Variants in RDX observed in about 807,000 individuals in gnomAD.
The protein encoded by RDX is deafness, autosomal recessive 24.
RDX carries 32 observed loss-of-function variants against 83.7 expected under a neutral mutation model. The observed-to-expected ratio is 0.38, with a 90% CI of 0.29 to 0.51. The LOEUF (loss-of-function observed/expected upper bound fraction) is 0.51, where lower values mean the gene tolerates loss of function less well. Ranked by LOEUF, RDX falls within the 20% of genes least tolerant of loss-of-function variation. The pLI is 0.87. For missense variants in RDX, 600 were observed against 689.9 expected, an observed-to-expected ratio of 0.87 and a Z score of 1.46; for synonymous variants, 229 against 222.7, an observed-to-expected ratio of 1.03 and a Z score of -0.25.
chr11:110,233,256 C>A lies in RDX; in HGVS notation c.1568G>T (p.Arg523Leu), dbSNP rs374217847. Residue 523 changes from arginine to leucine, a missense_variant, in exon 13 of 14, where the codon CGT (arginine) becomes CTT (leucine). Arg to Leu is a moderately radical substitution (Grantham distance 102). Coordinates refer to ENST00000645495, the MANE Select transcript of RDX (RefSeq NM_002906.4). ...ERVTETQKNE[R>L]VKKQLQALSS... The stretch of plus-strand genomic sequence containing the variant: ...AAATACCTGAAGTTGCTTCTTAACA[C>A]GCTCATTTTTCTGTGTTTCGGTTAC... The A allele has an allele frequency of 1.2e-6, 2 of 1,613,320 alleles. No homozygotes were observed. The highest frequency in any genetic ancestry group is 2.7e-5 in the African/African-American group (2 of 75,002).
intron 15 of RDX, among the ~76,000 whole-genome samples, chr11:110,183,708 T>G (rs11213295): frequency 0.054 from 8,200 of 152,288 alleles, 731 homozygotes; most frequent in African/African-American, 0.19. Context: ...CTATTACCTG[T>G]TCACTTCTGT....
chr11:110,248,970 G>GA (rs879933182), intron 9 of RDX, among the ~76,000 whole-genome samples: 51 of 152,242 alleles, frequency 3.3e-4, no homozygotes, highest in Non-Finnish European at 5.9e-4. Context: ...AGCTCAGTGG[G>GA]AAAAAATGCC....
chr11:110,233,124 T>G, intron 13 of RDX, 113 bp downstream of exon 13: 1 of 1,331,230 alleles, frequency 7.5e-7, no homozygotes, highest in Admixed American at 1.7e-5. Flanking sequence ...CACAAACCAA[T>G]CACAAGGGCA....
chr11:110,234,067 T>C (rs924011014), intron 12 of RDX, among the ~76,000 whole-genome samples: 1 of 152,228 alleles, frequency 6.6e-6, no homozygotes, highest in Non-Finnish European at 1.5e-5. Context: ...GTTGTCCTGG[T>C]GTAATTATGA....
chr11:110,209,409 G>A (rs1273448860), intron 14 of RDX, among the ~76,000 whole-genome samples: 6 of 151,778 alleles, frequency 4.0e-5, no homozygotes, highest in Admixed American at 3.9e-4. Flanking sequence ...GCGAGGCTGG[G>A]GGAGGGGCGC....
chr11:110,240,607 T>C (rs1246114217), intron 10 of RDX, among the ~76,000 whole-genome samples: 1 of 150,738 alleles, frequency 6.6e-6, no homozygotes, highest in African/African-American at 2.5e-5. Context: ...TAGCCGGGCG[T>C]GGTAGCGGGC....
At chr11:110,254,765 T>C (rs536655389) in intron 8 of RDX, among the ~76,000 whole-genome samples, 1 of 152,138 alleles carries the variant, frequency 6.6e-6, no homozygotes, top group Admixed American at 6.6e-5. Context: ...TCCTGAACCA[T>C]TGCACCCAGC....
At chr11:110,215,049 A>ATATATATATATATAT (rs1555033357) in intron 14 of RDX, among the ~76,000 whole-genome samples, 1 of 97,270 alleles carries the variant, frequency 1.0e-5, no homozygotes, top group African/African-American at 3.7e-5. Context: ...AAAAAAAAAA[A>ATATATATATATATAT]ATATATATAT....
At chr11:110,268,220 C>G (rs1591170000) in intron 3 of RDX, among the ~76,000 whole-genome samples, 1 of 150,958 alleles carries the variant, frequency 6.6e-6, no homozygotes. Flanking sequence ...AGGCGGAGAA[C>G]TGCTTGAACC....
At chr11:110,202,879 AAT>A (rs1318719994) in intron 14 of RDX, among the ~76,000 whole-genome samples, 1 of 152,172 alleles carries the variant, frequency 6.6e-6, no homozygotes, top group East Asian at 1.9e-4. Flanking sequence ...TAAGACAGGT[AAT>A]AACAAATGCT....
At chr11:110,257,466 G>A (rs984389223) in intron 7 of RDX, among the ~76,000 whole-genome samples, 1 of 151,940 alleles carries the variant, frequency 6.6e-6, no homozygotes, top group Non-Finnish European at 1.5e-5. Flanking sequence ...CTCACCTATC[G>A]AGGGAGCAAA....
At chr11:110,270,099 A>G (rs916139225) in intron 3 of RDX, among the ~76,000 whole-genome samples, 2 of 152,148 alleles carry the variant, frequency 1.3e-5, no homozygotes, top group Admixed American at 6.5e-5. Flanking sequence ...ACCATTTACA[A>G]TATGAACTGT....
chr11:110,256,094 C>A (rs1218959599), intron 7 of RDX, among the ~76,000 whole-genome samples: 1 of 152,142 alleles, frequency 6.6e-6, no homozygotes, highest in African/African-American at 2.4e-5. Flanking sequence ...TCTGCCTTTT[C>A]ATGTATTTTA....
intron 5 of RDX, chr11:110,263,508 A>G (rs1324847846): frequency 1.3e-5 from 2 of 156,332 alleles, no homozygotes; most frequent in East Asian, 3.8e-4. Context: ...TGGAGGTGCT[A>G]GGTAATGATT....
chr11:110,248,077 G>C (rs1476835443), intron 9 of RDX, among the ~76,000 whole-genome samples: 1 of 152,134 alleles, frequency 6.6e-6, no homozygotes, highest in South Asian at 2.1e-4. Flanking sequence ...TTGGTGACTT[G>C]AGAAGCAATG....
intron 14 of RDX, among the ~76,000 whole-genome samples, chr11:110,208,285 T>C (rs1048580465): frequency 6.6e-6 from 1 of 152,248 alleles, no homozygotes; most frequent in Admixed American, 6.5e-5. Flanking sequence ...AAAACGAATG[T>C]AGCGTTCTCC....
At position 110,230,579 on chromosome 11, in the gene RDX, T is replaced by TACACAAACACACAC. The variant is rs878964786; in HGVS notation, c.*1289_*1290insGTGTGTGTTTGTGT. 6.8e-6 allele frequency: 1 copy of TACACAAACACACAC among 147,068 alleles called. No homozygotes were observed. The highest frequency in any genetic ancestry group is 2.5e-5 in the African/African-American group (1 of 39,768). The allele number at this position is 147,068 out of a possible 1,614,324, so 9.1% of individuals were successfully genotyped here. Reference sequence around the variant, plus strand: ...TTCTCTCTCTCATACACACACAGAGTACACACACACACACACACACACACA... The same window carrying TACACAAACACACAC: ...TTCTCTCTCTCATACACACACAGAGTACACAAACACACACACACACACACACACACACACACACA... On this transcript the variant is annotated 3_prime_UTR_variant, in exon 14 of 14. Transcript: ENST00000645495.
At chr11:110,235,871 T>A (rs1298434582) in intron 12 of RDX, among the ~76,000 whole-genome samples, 1 of 152,244 alleles carries the variant, frequency 6.6e-6, no homozygotes, top group African/African-American at 2.4e-5. Flanking sequence ...CCAGCTTAAA[T>A]GTATATGGGT....
At chr11:110,291,845 T>C (rs1418806334) in intron 1 of RDX, among the ~76,000 whole-genome samples, 1 of 152,152 alleles carries the variant, frequency 6.6e-6, no homozygotes, top group African/African-American at 2.4e-5. Context: ...ACATTAAATT[T>C]TGGCCAGGCA....
Sources: allele counts gnomAD v4.1 joint callset (sites outside exome capture counted in the v4.1 genomes callset), GRCh38; gene constraint gnomAD v4.1.1; transcripts MANE v1.5; gene names NCBI Gene and HGNC (gene_info 2026-07-23, HGNC 2026-07-21).